ZMYM4: variants seen among roughly 807,000 people sequenced by gnomAD.
ZMYM4 encodes zinc finger MYM-type protein 4.
In ZMYM4, 31 loss-of-function variants were observed where a neutral mutation model predicts 183.2. The ratio of observed to expected loss-of-function variants is 0.17; its 90% CI spans 0.13 to 0.23. The LOEUF is 0.23. ZMYM4 is among the 10% of genes least tolerant of loss of function. The pLI, the probability that ZMYM4 is intolerant of heterozygous loss-of-function variation, is 1.00. For synonymous variants in ZMYM4, 592 were observed against 631.2 expected (o/e 0.94, Z 0.93); for missense variants, 1,273 against 1,840.3 (o/e 0.69, Z 5.64).
intron 1 of ZMYM4, among the ~76,000 whole-genome samples, chr1:35,300,749 A>G (rs1032739123): frequency 2.6e-5 from 4 of 152,026 alleles, no homozygotes; most frequent in Non-Finnish European, 5.9e-5. Context: ...GGTACTTTTT[A>G]TGTATATCTT....
chr1:35,370,341 T>A, intron 6 of ZMYM4, 31 bp from the exon 7 acceptor site: 1 of 877,972 alleles, frequency 1.1e-6, no homozygotes, highest in Non-Finnish European at 1.5e-6. Flanking sequence ...TCTTTCAATT[T>A]TTTTTTTTTT....
chr1:35,374,353 A>G (rs901158647), intron 7 of ZMYM4, among the ~76,000 whole-genome samples: 6 of 151,908 alleles, frequency 3.9e-5, no homozygotes, highest in African/African-American at 1.4e-4. Context: ...GGATTGTAAG[A>G]CTTAAATCAG....
rs538198933 is a variant in ZMYM4, at chr1:35,299,049, T to TTTG, written c.40-26311_40-26310insTTG. Reference sequence around the variant, plus strand: ...TTTGAAAGTTTTTTTTTTTTTTTTTTAAGAAACAGAGTCTTGCCATGTGGC... The same window carrying TTTG: ...TTTGAAAGTTTTTTTTTTTTTTTTTTTTGAAGAAACAGAGTCTTGCCATGTGGC... On this transcript the variant is annotated intron_variant, in intron 1 of 29. Coordinates refer to ENST00000314607, the MANE Select transcript of ZMYM4 (RefSeq NM_005095.3). 2.1e-3 allele frequency among the ~76,000 whole-genome samples: 324 copies of TTTG among 151,772 alleles called. 1 individual carries two copies. Among genetic ancestry groups the TTTG allele is most frequent in the African/African-American group, 7.7e-3 (318 of 41,358 alleles).
intron 7 of ZMYM4, among the ~76,000 whole-genome samples, chr1:35,372,750 A>G (rs1644242518): frequency 6.6e-6 from 1 of 152,224 alleles, no homozygotes; most frequent in Non-Finnish European, 1.5e-5. Flanking sequence ...GAAAATCTGA[A>G]ATTTAATGCT....
At chr1:35,313,797 T>A (rs1641913893) in intron 1 of ZMYM4, among the ~76,000 whole-genome samples, 2 of 152,174 alleles carry the variant, frequency 1.3e-5, no homozygotes, top group Non-Finnish European at 1.5e-5. Context: ...TTTAAAAATT[T>A]ATGTTAAAAA....
chr1:35,379,638 A>G (rs1644409500), intron 7 of ZMYM4, among the ~76,000 whole-genome samples: 1 of 152,250 alleles, frequency 6.6e-6, no homozygotes, highest in African/African-American at 2.4e-5. Flanking sequence ...TGTTTGGCGC[A>G]AGAGGCCTAG....
At chr1:35,317,133 A>C (rs985756935) in intron 1 of ZMYM4, among the ~76,000 whole-genome samples, 16 of 137,632 alleles carry the variant, frequency 1.2e-4, no homozygotes, top group Non-Finnish European at 4.7e-5. Flanking sequence ...AAAAAAAAAA[A>C]AAAAGTTAAA....
At chr1:35,409,513 G>A (rs375321419) in intron 26 of ZMYM4, among the ~76,000 whole-genome samples, 20 of 151,350 alleles carry the variant, frequency 1.3e-4, no homozygotes, top group African/African-American at 4.4e-4. Flanking sequence ...TTTTTAATTT[G>A]CATTTTCCTA....
At chr1:35,418,410 T>C in intron 28 of ZMYM4, 33 bp from the exon 29 acceptor site, 1 of 1,607,978 alleles carries the variant, frequency 6.2e-7, no homozygotes, top group Non-Finnish European at 8.5e-7. Context: ...ACTTTTCTAA[T>C]ATAATCCTTT....
rs1292446573 is a variant in ZMYM4 at position 35,296,849 on chromosome 1, T to C, written c.39+27764T>C. ...TCTTTTTCTTTCTTTCTTTCTTTTT[T>C]TTTTTTTTTTTTTTTTGAGATGGGA... On this transcript the variant is annotated intron_variant, in intron 1 of 29. Coordinates refer to ENST00000314607, the MANE Select transcript of ZMYM4 (RefSeq NM_005095.3). Among the ~76,000 whole-genome samples the C allele has an allele frequency of 1.4e-3, 204 of 142,172 alleles. 1 individual carries two copies. The highest frequency in any genetic ancestry group is 2.8e-3 in the African/African-American group (106 of 38,106). The allele number at this position is 142,172 out of a possible 152,430, so 93.3% of individuals were successfully genotyped here. A position where few individuals can be genotyped will look rare whatever the true frequency, so the allele number is the denominator to read the frequency against.
chr1:35,386,105 C>A lies in ZMYM4; in HGVS notation c.1752C>A (p.Thr584=). The A allele has an allele frequency of 2.5e-6, 4 of 1,613,540 alleles. No individual in the cohort carries two copies. The highest frequency in any genetic ancestry group is 3.4e-6 in the Non-Finnish European group (4 of 1,179,760). ...AAGTTCAGTGTAACAGTTGTAAAACCTCAGCAATTCCTCAGTATCACCTAG... is the reference window on the plus strand; with the variant it reads ...AAGTTCAGTGTAACAGTTGTAAAACATCAGCAATTCCTCAGTATCACCTAG... ...GVQVQCNSCK[T]SAIPQYHLAM... is the part of the protein sequence containing the mutation. The change falls in exon 11 of 30, where the codon ACC becomes ACA. Residue 584 remains threonine, a synonymous_variant. Coordinates refer to ENST00000314607, the MANE Select transcript of ZMYM4 (RefSeq NM_005095.3).
At chr1:35,374,208 AT>A (rs1455719218) in intron 7 of ZMYM4, among the ~76,000 whole-genome samples, 3 of 150,320 alleles carry the variant, frequency 2.0e-5, no homozygotes, top group Non-Finnish European at 3.0e-5. Flanking sequence ...ATTTTTTTGT[AT>A]TTTTAGTAGA....
Position 35,378,462 on chromosome 1 carries a change from A to G in ZMYM4, c.1182-2797A>G, listed in dbSNP as rs190501259. On this transcript the variant is annotated intron_variant, in intron 7 of 29. Transcript: ENST00000314607. ...AAAAGTTGAAATTACTCCTTGATCC[A>G]CAGGCTGCAGAATAGATACTGGGTA... Among the ~76,000 whole-genome samples the G allele has an allele frequency of 1.2e-4, 19 of 152,326 alleles. No individual in the cohort carries two copies. The East Asian group carries it at 3.7e-3, about 29-fold the overall frequency.
At chr1:35,302,627 C>T (rs1277093040) in intron 1 of ZMYM4, among the ~76,000 whole-genome samples, 2 of 151,840 alleles carry the variant, frequency 1.3e-5, no homozygotes, top group Non-Finnish European at 2.9e-5. Flanking sequence ...CCTCATGATC[C>T]GCCCTCCTCG....
intron 19 of ZMYM4, 80 bp from the exon 20 acceptor site, chr1:35,397,297 C>T (rs1311727658): frequency 1.1e-5 from 15 of 1,368,988 alleles, no homozygotes; most frequent in Non-Finnish European, 1.4e-5. Flanking sequence ...TATTTTAATA[C>T]CTAAATCATC....
At chr1:35,297,928 A>C (rs1641097366) in intron 1 of ZMYM4, among the ~76,000 whole-genome samples, 1 of 152,234 alleles carries the variant, frequency 6.6e-6, no homozygotes, top group African/African-American at 2.4e-5. Context: ...TTGAATATGG[A>C]AAGTTTAACA....
chr1:35,331,711 C>T (rs1192917137), intron 2 of ZMYM4, among the ~76,000 whole-genome samples: 1 of 151,704 alleles, frequency 6.6e-6, no homozygotes, highest in African/African-American at 2.4e-5. Context: ...CACTTGAACC[C>T]TGGAAGTGGA....
chr1:35,371,923 A>G (rs1644223367), intron 7 of ZMYM4, among the ~76,000 whole-genome samples: 1 of 152,194 alleles, frequency 6.6e-6, no homozygotes, highest in South Asian at 2.1e-4. Flanking sequence ...ATTAGACTTC[A>G]GTTTTCTTTG....
At chr1:35,325,962 A>G (rs1004543276) in intron 2 of ZMYM4, among the ~76,000 whole-genome samples, 4 of 152,162 alleles carry the variant, frequency 2.6e-5, no homozygotes, top group Admixed American at 1.3e-4. Context: ...TGTAGGAATC[A>G]TAGATACTGT....
Sources: allele counts gnomAD v4.1 joint callset (sites outside exome capture counted in the v4.1 genomes callset), GRCh38; gene constraint gnomAD v4.1.1; transcripts MANE v1.5; gene names NCBI Gene and HGNC (gene_info 2026-07-23, HGNC 2026-07-21).